PKD1: variants seen among roughly 807,000 people sequenced by gnomAD.
PKD1 encodes polycystin-1.
In PKD1, 81 loss-of-function variants were observed where a neutral mutation model predicts 361.7. The ratio of observed to expected loss-of-function variants is 0.22; its 90% CI spans 0.19 to 0.27. The LOEUF (loss-of-function observed/expected upper bound fraction) is 0.27, where lower values mean the gene tolerates loss of function less well. Ranked by LOEUF, PKD1 falls within the 10% of genes least tolerant of loss-of-function variation. PKD1 has a pLI of 1.00. For missense variants in PKD1, 6,399 were observed against 6,118.3 expected (o/e 1.05, Z -1.53); for synonymous variants, 3,615 against 2,818.3 (o/e 1.28, Z -8.95).
At chr16:2,093,117 G>A (rs756169976) in intron 37 of PKD1, 24 bp from the exon 38 acceptor site, 13 of 1,611,508 alleles carry the variant, frequency 8.1e-6, no homozygotes, top group South Asian at 2.2e-5. Flanking sequence ...GGGCCCTGTG[G>A]TCAGCCTGGC....
At chr16:2,105,839 G>T (rs1429437174) in intron 20 of PKD1, 26 bp downstream of exon 20, 2 of 1,592,294 alleles carry the variant, frequency 1.3e-6, no homozygotes, top group Non-Finnish European at 1.7e-6. Flanking sequence ...CAGCAGATGT[G>T]ACGTCCCCTC....
At position 2,110,511 on chromosome 16, in the gene PKD1, G is replaced by A. The variant is rs961711184; in HGVS notation, c.4656C>T (p.Val1552=). Residue 1552 remains valine (V), a synonymous_variant, in exon 15 of 46, where the codon GTC becomes GTT. Transcript: ENST00000262304. ...VTVKRRVRGL[V]VNASRTVVPL... is the part of the protein sequence containing the mutation. ...GCACCACCGTGCGGCTTGCATTGAC[G>A]ACGAGCCCCCGCACGCGCCGCTTCA... 35 of 1,612,032 alleles carry A rather than the reference G, an allele frequency of 2.2e-5. No individual in the cohort carries two copies. Among genetic ancestry groups the A allele is most frequent in the Admixed American group, 5.0e-5 (3 of 60,016 alleles).
intron 13 of PKD1, 123 bp from the exon 14 acceptor site, chr16:2,112,596 C>A: frequency 9.9e-7 from 1 of 1,005,834 alleles, no homozygotes; most frequent in Non-Finnish European, 1.5e-6. Context: ...CCATTCAGGG[C>A]CCACCCGGCT....
rs939471653 is a variant in PKD1 at position 2,111,614 on chromosome 16, C to T, written c.3553G>A (p.Gly1185Ser). Residue 1185 changes from glycine (G) to serine (S), a missense_variant, in exon 15 of 46, where the codon GGC (glycine) becomes AGC (serine). Transcript: ENST00000262304. The stretch of plus-strand genomic sequence containing the variant: ...ACCTCCAGGCGCACGTGGTAGGTGC[C>T]CCTCGAGGCATAGGTGTGGTTGGCA... The part of the protein sequence containing the change: ...PAANHTYASR[G>S]TYHVRLEVNN... 1 of 1,574,078 alleles carries T rather than the reference C, an allele frequency of 6.4e-7. No homozygotes were observed. The highest frequency in any genetic ancestry group is 8.6e-7 in the Non-Finnish European group (1 of 1,160,972).
intron 40 of PKD1, 32 bp downstream of exon 40, chr16:2,092,015 G>T: frequency 2.5e-6 from 4 of 1,612,546 alleles, no homozygotes; most frequent in Non-Finnish European, 3.4e-6. Context: ...CTTGTCCTTG[G>T]CGTAGACGCC....
intron 16 of PKD1, chr16:2,107,193 T>C: frequency 3.5e-6 from 2 of 566,742 alleles, no homozygotes; most frequent in East Asian, 3.1e-5. Context: ...AGCTGGACCC[T>C]AGCAGGAGGC....
In PKD1 at chr16:2,118,245, G is replaced by A. The variant is rs568816990; in HGVS notation, c.747C>T (p.Ser249=). 6.8e-5 allele frequency: 104 copies of A among 1,530,256 alleles called. No individual in the cohort carries two copies. The highest frequency in any genetic ancestry group is 3.7e-4 in the East Asian group (15 of 40,980). 94.8% of individuals were successfully genotyped at this position (1,530,256 alleles called of 1,614,324 possible). Residue 249 remains serine (S), a synonymous_variant, in exon 5 of 46, where the codon TCC becomes TCT. Transcript: ENST00000262304. This position sits in a 1 kb window ranked among gnomAD's most constrained non-coding sequence, Gnocchi z 6.0. ...SASFACLSLC[S]GPPPPPAPTC... is the part of the protein sequence containing the mutation. ...TGGGGGCAGGAGGTGGCGGGGGGCC[G>A]GAGCAGAGGGACAGGCAGGCAAAGG...
chr16:2,118,862 G>C lies in PKD1; in HGVS notation c.360-17C>G. The C allele has an allele frequency of 6.3e-7, 1 of 1,593,180 alleles. No individual in the cohort carries two copies. The highest frequency in any genetic ancestry group is 8.5e-7 in the Non-Finnish European group (1 of 1,176,814). ...CTCAGGTTTCTGCAGGGCAGGGGCA[G>C]GTGTTGGGGACCAGGTCTGGTGGGA... On this transcript the variant is annotated splice_polypyrimidine_tract_variant and intron_variant, in intron 3 of 45. Coordinates refer to ENST00000262304, the MANE Select transcript of PKD1 (RefSeq NM_001009944.3). The surrounding 1 kb of genome is among the most constrained non-coding windows in gnomAD (Gnocchi z 6.0).
At position 2,091,189 on chromosome 16, in the gene PKD1, G is replaced by A. The variant is rs1332951546; in HGVS notation, c.11713-15C>T. 47 of 1,388,986 alleles carry A rather than the reference G, an allele frequency of 3.4e-5. No individual in the cohort carries two copies. The highest frequency in any genetic ancestry group is 3.9e-5 in the Non-Finnish European group (42 of 1,078,814). 86.0% of individuals were successfully genotyped at this position (1,388,986 alleles called of 1,614,324 possible). On this transcript the variant is annotated splice_polypyrimidine_tract_variant and intron_variant, in intron 42 of 45. Coordinates refer to ENST00000262304, the MANE Select transcript of PKD1 (RefSeq NM_001009944.3). ...AGCAGGCACACCTGTGGGGGGCGCG[G>A]TCAGGAGGGCGGGAGGGACGCTGCC...
rs2091400377 is a variant in PKD1, at chr16:2,090,007, T to C, written c.12632A>G (p.Glu4211Gly). 1 of 1,609,902 alleles carries C rather than the reference T, an allele frequency of 6.2e-7. No individual in the cohort carries two copies. Among genetic ancestry groups the C allele is most frequent in the African/African-American group, 1.3e-5 (1 of 74,980 alleles). The change falls in exon 46 of 46, where the codon GAG becomes GGG. Residue 4211 changes from glutamate to glycine, a missense_variant. Glu to Gly is a moderately conservative substitution (Grantham distance 98). Coordinates refer to ENST00000262304, the MANE Select transcript of PKD1 (RefSeq NM_001009944.3). ...GAACACGGCTTGGAGGCGGGAGGGC[T>C]CAGGCTCACACCTTGTCCCCAGCCG... ...LGRLGTRCEP[E>G]PSRLQAVFEA...
Position 2,118,046 on chromosome 16 carries a change from C to A in PKD1, c.946G>T (p.Ala316Ser). Residue 316 changes from alanine (A) to serine (S), a missense_variant, in exon 5 of 46, where the codon GCC (alanine) becomes TCC (serine). Coordinates refer to ENST00000262304, the MANE Select transcript of PKD1 (RefSeq NM_001009944.3). The surrounding 1 kb of genome is among the most constrained non-coding windows in gnomAD (Gnocchi z 6.0). ...DFGDGSAEVD[A>S]AGPAASHRYV... ...CGATGCGAGGCAGCCGGCCCAGCGG[C>A]ATCCACCTCGGCGGAGCCGTCTCCG... 6.2e-7 allele frequency: 1 copy of A among 1,603,738 alleles called. No homozygotes were observed. The highest frequency in any genetic ancestry group is 8.5e-7 in the Non-Finnish European group (1 of 1,179,196).
chr16:2,109,367 GC>G lies in PKD1; in HGVS notation c.5799del (p.Arg1935ValfsTer14). 1 of 1,593,478 alleles carries G rather than the reference GC, an allele frequency of 6.3e-7. No individual in the cohort carries two copies. On this transcript the variant is annotated frameshift_variant, in exon 15 of 46. Transcript: ENST00000262304. LOFTEE classifies it high-confidence loss of function. ...VGGANPEVLP[G>X]PRFSHSFPRV... ...CGGGGGAAGCTGTGGGAGAAACGGG[GC>G]CCGGGGAGCACCTCGGGGTTGGCCC...
intron 10 of PKD1, 140 bp downstream of exon 10, chr16:2,115,238 G>T (rs1306400162): frequency 2.8e-6 from 3 of 1,062,352 alleles, no homozygotes; most frequent in East Asian, 2.6e-5. Context: ...GCACTGCAGA[G>T]GTCGGAGGTC....
At chr16:2,113,392 G>A (rs957712625) in intron 11 of PKD1, 100 bp from the exon 12 acceptor site, 23 of 1,162,424 alleles carry the variant, frequency 2.0e-5, no homozygotes, top group South Asian at 8.1e-5. Flanking sequence ...AGTCCCACGC[G>A]GGGCACAGAG....
intron 21 of PKD1, 98 bp downstream of exon 21, chr16:2,105,224 G>A (rs2092296656): frequency 1.7e-6 from 2 of 1,188,178 alleles, no homozygotes; most frequent in East Asian, 5.0e-5. Context: ...CAGGCTGGAG[G>A]CTCAGCTCCT....
At chr16:2,130,229 G>A (rs2092855056) in intron 1 of PKD1, among the ~76,000 whole-genome samples, 1 of 152,226 alleles carries the variant, frequency 6.6e-6, no homozygotes, top group African/African-American at 2.4e-5. Flanking sequence ...AGCTGGACAT[G>A]CAGGATGCAG....
Position 2,118,255 on chromosome 16 carries a change from G to A in PKD1, c.737C>T (p.Ser246Phe). 3 of 1,533,112 alleles carry A rather than the reference G, an allele frequency of 2.0e-6. No individual in the cohort carries two copies. Among genetic ancestry groups the A allele is most frequent in the Non-Finnish European group, 2.6e-6 (3 of 1,144,602 alleles). 95.0% of individuals were successfully genotyped at this position (1,533,112 alleles called of 1,614,324 possible). A position where few individuals can be genotyped will look rare whatever the true frequency, so the allele number is the denominator to read the frequency against. ...QPSSASFACLSLCSGPPPPPA... is the reference protein window; with the variant it reads ...QPSSASFACLFLCSGPPPPPA... Reference sequence around the variant, plus strand: ...AGGTGGCGGGGGGCCGGAGCAGAGGGACAGGCAGGCAAAGGAGGCACTGGA... The same window carrying A: ...AGGTGGCGGGGGGCCGGAGCAGAGGAACAGGCAGGCAAAGGAGGCACTGGA... The change falls in exon 5 of 46, where the codon TCC becomes TTC. Residue 246 changes from serine (S) to phenylalanine (F), a missense_variant. Transcript: ENST00000262304. This position sits in a 1 kb window ranked among gnomAD's most constrained non-coding sequence, Gnocchi z 6.0.
At position 2,117,561 on chromosome 16, in the gene PKD1, G is replaced by A. The variant is rs771363859; in HGVS notation, c.1313C>T (p.Ala438Val). 1.2e-6 allele frequency: 2 copies of A among 1,605,044 alleles called. No homozygotes were observed. The highest frequency in any genetic ancestry group is 2.2e-5 in the East Asian group (1 of 44,574). Reference protein sequence around the residue: ...AWLQAQEQCQAWAGAALAMVD... With the variant: ...AWLQAQEQCQVWAGAALAMVD... ...CATTGCCAGGGCGGCCCCGGCCCAG[G>A]CCTGACACTGCTCCTGCGCCTGCAG... The change falls in exon 6 of 46, where the codon GCC (alanine) becomes GTC (valine). Residue 438 changes from alanine to valine, a missense_variant. Physicochemically the swap from Ala to Val is moderately conservative, Grantham distance 64 (BLOSUM62 0). Transcript: ENST00000262304.
Position 2,116,178 on chromosome 16 carries a change from C to T in PKD1, c.1723-60G>A, listed in dbSNP as rs1450829085. The T allele has an allele frequency of 3.9e-6, 6 of 1,539,830 alleles. 1 individual carries two copies. Among genetic ancestry groups the T allele is most frequent in the South Asian group, 3.5e-5 (3 of 86,352 alleles). Reference sequence around the variant, plus strand: ...CCCATCCCAGCCTGAAGCCCAGACTCCCCCTACCCGAACTTCCCAGGAAGA... The same window carrying T: ...CCCATCCCAGCCTGAAGCCCAGACTTCCCCTACCCGAACTTCCCAGGAAGA... On this transcript the variant is annotated intron_variant, in intron 8 of 45. Transcript: ENST00000262304.
Sources: allele counts gnomAD v4.1 joint callset (sites outside exome capture counted in the v4.1 genomes callset), GRCh38; gene constraint gnomAD v4.1.1; non-coding constraint Gnocchi (gnomAD v3.1); transcripts MANE v1.5; gene names NCBI Gene and HGNC (gene_info 2026-07-23, HGNC 2026-07-21).